The following RNF150 variants were observed in gnomAD, a reference collection of about 807,000 sequenced individuals.
RNF150 encodes ring finger protein 150.
RNF150 carries 24 observed loss-of-function variants against 39.3 expected under a neutral mutation model. That is an observed-to-expected ratio of 0.61 (90% confidence interval 0.44 to 0.86). The LOEUF is 0.86. Among genes scored for constraint, RNF150 ranks in the 40% least tolerant of loss-of-function variants. The pLI is 0.00. For missense variants in RNF150, 502 were observed against 587.8 expected, an observed-to-expected ratio of 0.85 and a Z score of 1.51; for synonymous variants, 255 against 227.3, an observed-to-expected ratio of 1.12 and a Z score of -1.10.
chr4:141,073,239 G>A (rs536775928), intron 1 of RNF150, among the ~76,000 whole-genome samples: 3 of 152,208 alleles, frequency 2.0e-5, no homozygotes, highest in African/African-American at 7.2e-5. Flanking sequence ...AGTTTTCTGC[G>A]AAGGGTCAAG....
chr4:140,923,259 C>G lies in RNF150; in HGVS notation c.987+2718G>C, dbSNP rs1462419031. Reference sequence around the variant, plus strand: ...TAATATCCAGAATCTACAATGAACTCAAACAAATTTACAAGAAAAAAAGAA... The same window carrying G: ...TAATATCCAGAATCTACAATGAACTGAAACAAATTTACAAGAAAAAAAGAA... On this transcript the variant is annotated intron_variant, in intron 5 of 6. Coordinates refer to ENST00000515673, the MANE Select transcript of RNF150 (RefSeq NM_020724.2). 2.0e-5 allele frequency among the ~76,000 whole-genome samples: 3 copies of G among 151,928 alleles called. No individual in the cohort carries two copies. In the East Asian group the frequency reaches 5.8e-4, roughly 29 times the overall value.
chr4:141,000,072 AAGAAGAAGAAGAAGG>A (rs1560679510), intron 1 of RNF150, among the ~76,000 whole-genome samples: 1,319 of 83,936 alleles, frequency 0.016, 183 homozygotes, highest in Middle Eastern at 0.026. Context: ...GAAGAAGAAG[AAGAAGAAGAAGAAGG>A]AGAAGAAGAA....
intron 1 of RNF150, among the ~76,000 whole-genome samples, chr4:141,088,729 G>C (rs1738462775): frequency 6.6e-6 from 1 of 151,280 alleles, no homozygotes; most frequent in African/African-American, 2.4e-5. Flanking sequence ...AGTAGAGGAA[G>C]AGAGGGGAGG....
intron 2 of RNF150, among the ~76,000 whole-genome samples, chr4:140,962,108 GCACA>G (rs146087812): frequency 2.5e-4 from 37 of 146,912 alleles, no homozygotes; most frequent in Non-Finnish European, 3.9e-4. Context: ...ACACACGCGC[GCACA>G]CACACACACA....
Position 140,999,986 on chromosome 4 carries a change from A to G in RNF150, c.485-32113T>C, listed in dbSNP as rs1313402120. On this transcript the variant is annotated intron_variant, in intron 1 of 6. Transcript: ENST00000515673. ...AAGAAGAAGAAGAAGAAAAGAAGAA[A>G]AGAAGAAAAGAAGAAGAAGAAGAAG... 1.4e-3 allele frequency among the ~76,000 whole-genome samples: 35 copies of G among 25,020 alleles called. 1 individual carries two copies. Among genetic ancestry groups the G allele is most frequent in the Non-Finnish European group, 2.2e-3 (20 of 9,230 alleles). 16.4% of individuals were successfully genotyped at this position (25,020 alleles called of 152,430 possible). A position where few individuals can be genotyped will look rare whatever the true frequency, so the allele number is the denominator to read the frequency against.
At chr4:141,165,913 G>A (rs1163859305) in intron 1 of RNF150, among the ~76,000 whole-genome samples, 1 of 151,840 alleles carries the variant, frequency 6.6e-6, no homozygotes, top group Non-Finnish European at 1.5e-5. Flanking sequence ...GCAAAGAAAT[G>A]CAAAAGCTAG....
At chr4:141,096,704 T>C (rs977212301) in intron 1 of RNF150, among the ~76,000 whole-genome samples, 10 of 152,248 alleles carry the variant, frequency 6.6e-5, no homozygotes, top group African/African-American at 2.4e-4. Context: ...TTAAGTTTAC[T>C]GTGATCAAAC....
intron 1 of RNF150, among the ~76,000 whole-genome samples, chr4:141,105,041 G>A (rs754726907): frequency 6.6e-6 from 1 of 152,112 alleles, no homozygotes; most frequent in Non-Finnish European, 1.5e-5. Flanking sequence ...AATCTCAATC[G>A]TGTATACCTA....
At chr4:141,205,854 C>T (rs993155791) in intron 1 of RNF150, among the ~76,000 whole-genome samples, 5 of 152,134 alleles carry the variant, frequency 3.3e-5, no homozygotes, top group South Asian at 4.1e-4. Flanking sequence ...TGTATGTGTG[C>T]GCACACCTGT....
intron 1 of RNF150, 125 bp from the exon 2 acceptor site, chr4:140,967,998 T>G: frequency 1.2e-6 from 1 of 831,222 alleles, no homozygotes; most frequent in Non-Finnish European, 1.9e-6. Context: ...AATTCTGTGC[T>G]GGGCTAAGAA....
intron 1 of RNF150, among the ~76,000 whole-genome samples, chr4:141,020,155 A>G (rs1033103784): frequency 6.6e-6 from 1 of 151,792 alleles, no homozygotes; most frequent in Admixed American, 6.6e-5. Flanking sequence ...AAAAATACAT[A>G]CATTTTGTAA....
At chr4:141,052,214 G>A (rs1046380797) in intron 1 of RNF150, among the ~76,000 whole-genome samples, 4 of 151,950 alleles carry the variant, frequency 2.6e-5, no homozygotes, top group African/African-American at 9.7e-5. Context: ...GATTTGGGTG[G>A]GGACACAGCC....
intron 2 of RNF150, among the ~76,000 whole-genome samples, chr4:140,961,741 G>T (rs971658314): frequency 6.6e-6 from 1 of 152,032 alleles, no homozygotes; most frequent in African/African-American, 2.4e-5. Flanking sequence ...TTCACTGAGT[G>T]ACCCTATGGT....
chr4:140,891,601 G>C (rs187184372), intron 6 of RNF150, among the ~76,000 whole-genome samples: 1 of 152,140 alleles, frequency 6.6e-6, no homozygotes, highest in Non-Finnish European at 1.5e-5. Context: ...TCCAGTATTC[G>C]TGGGGGATTG....
chr4:140,896,705 AAAAC>A lies in RNF150; in HGVS notation c.1198+14435_1198+14438del, dbSNP rs1261922474. On this transcript the variant is annotated intron_variant, in intron 6 of 6. Coordinates refer to ENST00000515673, the MANE Select transcript of RNF150 (RefSeq NM_020724.2). ...AGTATAATAAAAAAAAAAAAACAAA[AAAAC>A]AAACAAACAAACAAAAAAAAATAAT... Among the ~76,000 whole-genome samples, 282 of 85,624 alleles carry A rather than the reference AAAAC, an allele frequency of 3.3e-3. 6 individuals are homozygous for A. Among genetic ancestry groups the A allele is most frequent in the African/African-American group, 9.7e-3 (255 of 26,390 alleles). 56.2% of individuals were successfully genotyped at this position (85,624 alleles called of 152,430 possible).
Position 140,867,434 on chromosome 4 carries a change from C to T in RNF150, c.*827G>A, listed in dbSNP as rs1326109473. The T allele has an allele frequency of 1.3e-5, 2 of 152,194 alleles. No homozygotes were observed. Among genetic ancestry groups the T allele is most frequent in the Non-Finnish European group, 2.9e-5 (2 of 68,042 alleles). 9.4% of individuals were successfully genotyped at this position (152,194 alleles called of 1,614,324 possible). ...AGACTGGATGCCTTGGAGGGGACTT[C>T]TGAGTTCAGAATTTCAGCCAAAGAC... On this transcript the variant is annotated 3_prime_UTR_variant, in exon 7 of 7. Transcript: ENST00000515673.
rs1728792083 is a variant in RNF150, at chr4:140,868,267, T to C, written c.1311A>G (p.Lys437=). The change falls in exon 7 of 7, where the codon AAA becomes AAG. Residue 437 remains lysine, a synonymous_variant. Coordinates refer to ENST00000515673, the MANE Select transcript of RNF150 (RefSeq NM_020724.2). The part of the protein sequence containing the change: ...LSTDQDCEEV[K]S ...TGCTTCTGGATTTGTCGTTTCAAGA[T>C]TTCACTTCTTCACAGTCCTGGTCAG... The C allele has an allele frequency of 2.5e-6, 4 of 1,573,564 alleles. No individual in the cohort carries two copies. In the African/African-American group the frequency reaches 5.4e-5, roughly 21 times the overall value.
intron 1 of RNF150, among the ~76,000 whole-genome samples, chr4:141,157,505 T>C (rs1213159068): frequency 6.6e-6 from 1 of 152,204 alleles, no homozygotes; most frequent in Non-Finnish European, 1.5e-5. Context: ...CAAGAAATGG[T>C]GTCTGTCTCA....
chr4:141,144,767 A>G (rs995973805), intron 1 of RNF150, among the ~76,000 whole-genome samples: 3 of 152,150 alleles, frequency 2.0e-5, no homozygotes, highest in Non-Finnish European at 2.9e-5. Flanking sequence ...GATACTAGAC[A>G]CAAGTGTTAT....
Sources: gnomAD v4.1 joint callset for allele counts (sites outside exome capture counted in the v4.1 genomes callset) on GRCh38, gnomAD v4.1.1 for gene constraint, MANE v1.5 for transcripts, NCBI Gene and HGNC (gene_info 2026-07-23, HGNC 2026-07-21) for gene names.